The following ANKFN1 variants were observed in gnomAD, a reference collection of about 807,000 sequenced individuals.
The protein encoded by ANKFN1 is ankyrin repeat and fibronectin type-III domain-containing protein 1.
ANKFN1 carries 74 observed loss-of-function variants against 108.7 expected under a neutral mutation model. That is an observed-to-expected ratio of 0.68 (90% CI 0.56 to 0.83). The LOEUF is 0.83. Ranked by LOEUF, ANKFN1 falls within the 40% of genes least tolerant of loss-of-function variation. The pLI is 0.00. For synonymous variants in ANKFN1, 547 were observed against 516.2 expected, an observed-to-expected ratio of 1.06 and a Z score of -0.81; for missense variants, 1,505 against 1,382.3, an observed-to-expected ratio of 1.09 and a Z score of -1.41.
intron 1 of ANKFN1, among the ~76,000 whole-genome samples, chr17:56,204,895 G>A (rs1184892513): frequency 6.6e-6 from 1 of 151,912 alleles, no homozygotes; most frequent in Non-Finnish European, 1.5e-5. Context: ...CTAACACGGT[G>A]AAACCCCGTC....
At position 56,188,579 on chromosome 17, in the gene ANKFN1, G is replaced by GTATATATA. The variant is rs1220822008; in HGVS notation, c.-70-24018_-70-24017insATATATAT. Reference sequence around the variant, plus strand: ...TGTGTGTGTATGTGTGTGTGTGTGTGTGTATATATATATATATATATATAT... The same window carrying GTATATATA: ...TGTGTGTGTATGTGTGTGTGTGTGTGTATATATATGTATATATATATATATATATATAT... On this transcript the variant is annotated intron_variant, in intron 1 of 20. Transcript: ENST00000682825. Among the ~76,000 whole-genome samples the GTATATATA allele has an allele frequency of 1.6e-3, 117 of 71,356 alleles. 1 individual carries two copies. The highest frequency in any genetic ancestry group is 4.9e-3 in the African/African-American group (65 of 13,238). The allele number at this position is 71,356 out of a possible 152,430, so 46.8% of individuals were successfully genotyped here.
chr17:56,132,778 G>T (rs1221771775), intron 4 of ANKFN1, among the ~76,000 whole-genome samples: 1 of 152,070 alleles, frequency 6.6e-6, no homozygotes. Flanking sequence ...ATGGTGGAAG[G>T]GTAGCCCTCT....
intron 3 of ANKFN1, among the ~76,000 whole-genome samples, chr17:56,286,290 C>G (rs940708996): frequency 1.3e-5 from 2 of 152,134 alleles, no homozygotes; most frequent in Non-Finnish European, 2.9e-5. Context: ...GTATCTATTG[C>G]TGCATAACAA....
At chr17:56,124,452 G>A (rs1401471989) in intron 4 of ANKFN1, among the ~76,000 whole-genome samples, 1 of 152,136 alleles carries the variant, frequency 6.6e-6, no homozygotes. Flanking sequence ...ATACAAACGT[G>A]GTCCTTGGTA....
chr17:56,223,911 A>G (rs1916063205), intron 2 of ANKFN1, among the ~76,000 whole-genome samples: 1 of 152,232 alleles, frequency 6.6e-6, no homozygotes, highest in Admixed American at 6.5e-5. Context: ...AATAAGCACA[A>G]CAATCTTAGG....
intron 4 of ANKFN1, among the ~76,000 whole-genome samples, chr17:56,348,061 C>T (rs543626165): frequency 1.3e-5 from 2 of 152,064 alleles, no homozygotes; most frequent in East Asian, 3.9e-4. Flanking sequence ...GAGGTTAAGG[C>T]AATCCCCATG....
chr17:56,058,316 C>T lies in ANKFN1; in HGVS notation c.288+11991C>T, dbSNP rs756469382. On this transcript the variant is annotated intron_variant, in intron 4 of 12. Transcript: ENST00000635860. ...ATGGAAAATCTGTTGTTTTTAGTGT[C>T]GCCACCTTCATGAATAATCTTAGCT... 1.4e-4 allele frequency among the ~76,000 whole-genome samples: 22 copies of T among 152,180 alleles called. No homozygotes were observed. In the South Asian group the frequency reaches 1.7e-3, roughly 11 times the overall value.
chr17:56,420,836 T>C (rs2048383451), intron 8 of ANKFN1, among the ~76,000 whole-genome samples: 1 of 151,998 alleles, frequency 6.6e-6, no homozygotes, highest in African/African-American at 2.4e-5. Context: ...GCCTCCCAAG[T>C]AGCTGGGACT....
chr17:56,116,152 T>C (rs1440029477), intron 4 of ANKFN1, among the ~76,000 whole-genome samples: 1 of 152,134 alleles, frequency 6.6e-6, no homozygotes, highest in Non-Finnish European at 1.5e-5. Flanking sequence ...TTCTTAATGT[T>C]ATCTATATTT....
chr17:56,467,373 C>A (rs1385032192), intron 15 of ANKFN1, among the ~76,000 whole-genome samples: 1 of 151,898 alleles, frequency 6.6e-6, no homozygotes, highest in Non-Finnish European at 1.5e-5. Flanking sequence ...ATGATTAAGT[C>A]CATTTTAGGA....
At chr17:56,234,892 G>A (rs1447119922) in intron 3 of ANKFN1, among the ~76,000 whole-genome samples, 1 of 152,098 alleles carries the variant, frequency 6.6e-6, no homozygotes, top group African/African-American at 2.4e-5. Flanking sequence ...TGCGTTGAAT[G>A]GTAGTCCTGT....
At chr17:56,265,210 C>A (rs566254789) in intron 3 of ANKFN1, among the ~76,000 whole-genome samples, 9 of 152,236 alleles carry the variant, frequency 5.9e-5, no homozygotes, top group Non-Finnish European at 8.8e-5. Context: ...AAAGATACTA[C>A]CTGAGACTGG....
At position 56,372,629 on chromosome 17, in the gene ANKFN1, C is replaced by G. The variant is rs368970838; in HGVS notation, c.602-17C>G. 2 of 1,602,012 alleles carry G rather than the reference C, an allele frequency of 1.2e-6. No homozygotes were observed. The highest frequency in any genetic ancestry group is 1.7e-6 in the Non-Finnish European group (2 of 1,173,008). On this transcript the variant is annotated splice_polypyrimidine_tract_variant and intron_variant, in intron 6 of 20. Transcript: ENST00000682825. ...CCCCAGAAAGAAAGAGAAGTAATCC[C>G]ATTTCTTTCCCTTTAGTTGTCAGCC...
intron 1 of ANKFN1, among the ~76,000 whole-genome samples, chr17:56,171,854 T>G (rs1598176650): frequency 1.3e-5 from 2 of 152,262 alleles, no homozygotes; most frequent in East Asian, 3.9e-4. Context: ...AGGAAGAAAC[T>G]CCTAGCTAGC....
chr17:56,126,783 A>C (rs2143323891), intron 4 of ANKFN1, among the ~76,000 whole-genome samples: 1 of 152,356 alleles, frequency 6.6e-6, no homozygotes, highest in South Asian at 2.1e-4. Context: ...ATAGTGCAGA[A>C]ACAGCACCAG....
chr17:56,229,933 C>T (rs994793857), intron 3 of ANKFN1, among the ~76,000 whole-genome samples: 1 of 152,048 alleles, frequency 6.6e-6, no homozygotes, highest in Non-Finnish European at 1.5e-5. Flanking sequence ...GTCACGGAAA[C>T]ATATTAAAAT....
At chr17:56,061,683 C>T (rs554915555) in intron 4 of ANKFN1, among the ~76,000 whole-genome samples, 1 of 151,828 alleles carries the variant, frequency 6.6e-6, no homozygotes, top group African/African-American at 2.4e-5. Flanking sequence ...AGCAATCTAT[C>T]TATTTTGTTA....
chr17:56,225,691 C>T (rs1180537805), intron 2 of ANKFN1, among the ~76,000 whole-genome samples: 1 of 152,190 alleles, frequency 6.6e-6, no homozygotes, highest in Non-Finnish European at 1.5e-5. Context: ...TGGAAATAAG[C>T]TTTAAAAAAG....
chr17:56,344,572 G>T (rs1598433600), intron 4 of ANKFN1, among the ~76,000 whole-genome samples: 1 of 152,048 alleles, frequency 6.6e-6, no homozygotes, highest in Non-Finnish European at 1.5e-5. Flanking sequence ...TCAGGAAAAT[G>T]ACAGAGCTTT....
Sources: allele counts gnomAD v4.1 joint callset (sites outside exome capture counted in the v4.1 genomes callset), GRCh38; gene constraint gnomAD v4.1.1; transcripts MANE v1.5; gene names NCBI Gene and HGNC (gene_info 2026-07-23, HGNC 2026-07-21).